The following IFNAR1 variants were observed in gnomAD, a reference collection of about 807,000 sequenced individuals.
The protein encoded by IFNAR1 is interferon alpha and beta receptor subunit 1.
In IFNAR1, 47 loss-of-function variants were observed where a neutral mutation model predicts 62.1. The observed-to-expected ratio is 0.76, with a 90% CI of 0.60 to 0.97. The LOEUF (loss-of-function observed/expected upper bound fraction) is 0.97. IFNAR1 is among the 50% of genes least tolerant of loss of function. The pLI, the probability that IFNAR1 is intolerant of heterozygous loss-of-function variation, is 0.00. For synonymous variants in IFNAR1, 219 were observed against 226.9 expected (o/e 0.97, Z 0.31); for missense variants, 638 against 654.5 (o/e 0.97, Z 0.27).
chr21:33,349,247 A>T lies in IFNAR1; in HGVS notation c.945A>T (p.Thr315=), dbSNP rs757605689. 8.1e-6 allele frequency: 13 copies of T among 1,612,954 alleles called. No individual in the cohort carries two copies. The highest frequency in any genetic ancestry group is 1.1e-5 in the South Asian group (1 of 90,870). The change falls in exon 7 of 11, where the codon ACA becomes ACT. Residue 315 remains threonine, a synonymous_variant. Coordinates refer to ENST00000270139, the MANE Select transcript of IFNAR1 (RefSeq NM_000629.3). ...TACAAGCATCTGATGGAAATAACAC[A>T]TCTTTTTGGTCTGAAGAGATAAAGT... ...LRVQASDGNN[T]SFWSEEIKFD...
chr21:33,341,142 A>G lies in IFNAR1; in HGVS notation c.344A>G (p.Tyr115Cys), dbSNP rs745609676. 2.5e-6 allele frequency: 4 copies of G among 1,612,964 alleles called. No individual in the cohort carries two copies. The South Asian group carries it at 3.3e-5, about 13-fold the overall frequency. ...GAAAAAGAAAACACTTCTTCATGGT[A>G]TGAGGTTGACTCATTTACACCATTT... ...RAEKENTSSW[Y>C]EVDSFTPFRK... The change falls in exon 3 of 11, where the codon TAT (tyrosine) becomes TGT (cysteine). Residue 115 changes from tyrosine (Y) to cysteine (C), a missense_variant. By Grantham distance (194) the Tyr-to-Cys change is radical. Transcript: ENST00000270139.
intron 10 of IFNAR1, among the ~76,000 whole-genome samples, chr21:33,355,095 A>G (rs1476009898): frequency 6.6e-6 from 1 of 152,062 alleles, no homozygotes; most frequent in Non-Finnish European, 1.5e-5. Flanking sequence ...GTACTCTTCA[A>G]AGACTCACCA....
In IFNAR1 at chr21:33,355,991, G is replaced by A. The variant is rs2083443636; in HGVS notation, c.*442G>A. On this transcript the variant is annotated 3_prime_UTR_variant, in exon 11 of 11. Coordinates refer to ENST00000270139, the MANE Select transcript of IFNAR1 (RefSeq NM_000629.3). ...AGATCACGCCACTGCACTCCAGCCT[G>A]GTGACAGCGTGAGACTCTTTAAAAA... 1 of 152,518 alleles carries A rather than the reference G, an allele frequency of 6.6e-6. No homozygotes were observed. Among genetic ancestry groups the A allele is most frequent in the Non-Finnish European group, 1.5e-5 (1 of 68,300 alleles). 9.4% of individuals were successfully genotyped at this position (152,518 alleles called of 1,614,324 possible).
chr21:33,347,020 G>T (rs2083355227), intron 6 of IFNAR1, among the ~76,000 whole-genome samples: 1 of 152,088 alleles, frequency 6.6e-6, no homozygotes, highest in Non-Finnish European at 1.5e-5. Context: ...ATTCATACAA[G>T]ACTTGGGGGC....
At position 33,338,803 on chromosome 21, in the gene IFNAR1, C is replaced by T. The variant is rs985040343; in HGVS notation, c.201-2196C>T. On this transcript the variant is annotated intron_variant, in intron 2 of 10. Coordinates refer to ENST00000270139, the MANE Select transcript of IFNAR1 (RefSeq NM_000629.3). ...TGTTGCCCAGGCTGGAGTGCAATGG[C>T]GCAATCTCGGCTCACCGCAACCTCC... 1.2e-4 allele frequency among the ~76,000 whole-genome samples: 18 copies of T among 150,484 alleles called. No individual in the cohort carries two copies. In the East Asian group the frequency reaches 1.4e-3, roughly 12 times the overall value.
rs779653168 is a variant in IFNAR1 at position 33,353,623 on chromosome 21, CGT to C, written c.1295-14_1295-13del. Reference sequence around the variant, plus strand: ...ATGTCAAAATATATGCTAAATATCACGTATATCTTTTTAGGAAATACCTCTAA... The same window carrying C: ...ATGTCAAAATATATGCTAAATATCACATATCTTTTTAGGAAATACCTCTAA... On this transcript the variant is annotated splice_polypyrimidine_tract_variant and intron_variant, in intron 9 of 10. Coordinates refer to ENST00000270139, the MANE Select transcript of IFNAR1 (RefSeq NM_000629.3). 2.8e-6 allele frequency: 4 copies of C among 1,453,930 alleles called. No individual in the cohort carries two copies. In the African/African-American group the frequency reaches 4.3e-5, roughly 16 times the overall value. 90.1% of individuals were successfully genotyped at this position (1,453,930 alleles called of 1,614,324 possible).
chr21:33,326,198 C>T (rs1480881223), intron 1 of IFNAR1, among the ~76,000 whole-genome samples: 1 of 144,740 alleles, frequency 6.9e-6, no homozygotes, highest in Non-Finnish European at 1.5e-5. Context: ...TATGGGAAGA[C>T]ATTTTTATTT....
intron 3 of IFNAR1, among the ~76,000 whole-genome samples, chr21:33,342,865 A>T (rs117221107): frequency 0.047 from 6,880 of 147,848 alleles, 195 homozygotes; most frequent in Middle Eastern, 0.079. Context: ...TCAAAAAAAA[A>T]AAATAAATAA....
In IFNAR1 at chr21:33,357,548, G is replaced by C. The variant is rs532673789; in HGVS notation, c.*1999G>C. 1.4e-5 allele frequency: 2 copies of C among 138,774 alleles called. No individual in the cohort carries two copies. Among genetic ancestry groups the C allele is most frequent in the Admixed American group, 1.4e-4 (2 of 14,496 alleles). The allele number at this position is 138,774 out of a possible 1,614,324, so 8.6% of individuals were successfully genotyped here. A position where few individuals can be genotyped will look rare whatever the true frequency, so the allele number is the denominator to read the frequency against. ...AGAGGCTGTTTTTTTTTTTTTTTGAGACAGTCTCATTCTGTTGCCCAGGCT... is the reference window on the plus strand; with the variant it reads ...AGAGGCTGTTTTTTTTTTTTTTTGACACAGTCTCATTCTGTTGCCCAGGCT... On this transcript the variant is annotated 3_prime_UTR_variant, in exon 11 of 11. Coordinates refer to ENST00000270139, the MANE Select transcript of IFNAR1 (RefSeq NM_000629.3).
At chr21:33,334,633 A>C (rs956686821) in intron 1 of IFNAR1, 7 of 666,290 alleles carry the variant, frequency 1.1e-5, no homozygotes, top group Non-Finnish European at 2.0e-5. Context: ...GTGCAGATTC[A>C]GGCAGGTGCA....
In IFNAR1 at chr21:33,353,784, G is replaced by A. The variant is rs1396885228; in HGVS notation, c.1440+1G>A. On this transcript the variant is annotated splice_donor_variant, in intron 10 of 10. Coordinates refer to ENST00000270139, the MANE Select transcript of IFNAR1 (RefSeq NM_000629.3). LOFTEE classifies it high-confidence loss of function. Reference sequence around the variant, plus strand: ...TAAACCTTCTTCCAGTATAGATGAGGTATGTTACTTTTTTTATTTTTTTGT... The same window carrying A: ...TAAACCTTCTTCCAGTATAGATGAGATATGTTACTTTTTTTATTTTTTTGT... 2 of 1,549,604 alleles carry A rather than the reference G, an allele frequency of 1.3e-6. No individual in the cohort carries two copies. Among genetic ancestry groups the A allele is most frequent in the South Asian group, 1.2e-5 (1 of 81,160 alleles).
chr21:33,331,234 A>G (rs1181351199), intron 1 of IFNAR1, among the ~76,000 whole-genome samples: 3 of 152,170 alleles, frequency 2.0e-5, no homozygotes, highest in Non-Finnish European at 4.4e-5. Flanking sequence ...CTGGGAACAC[A>G]CTACCTTGGC....
rs200969222 is a variant in IFNAR1, at chr21:33,353,799, T to A, written c.1440+16T>A. 201 of 1,521,778 alleles carry A rather than the reference T, an allele frequency of 1.3e-4. No individual in the cohort carries two copies. Among genetic ancestry groups the A allele is most frequent in the Non-Finnish European group, 1.7e-4 (192 of 1,127,710 alleles). 94.3% of individuals were successfully genotyped at this position (1,521,778 alleles called of 1,614,324 possible). A position where few individuals can be genotyped will look rare whatever the true frequency, so the allele number is the denominator to read the frequency against. On this transcript the variant is annotated intron_variant, in intron 10 of 10. Coordinates refer to ENST00000270139, the MANE Select transcript of IFNAR1 (RefSeq NM_000629.3). Reference sequence around the variant, plus strand: ...TATAGATGAGGTATGTTACTTTTTTTATTTTTTTGTCAACAGCTAGGTAAT... The same window carrying A: ...TATAGATGAGGTATGTTACTTTTTTAATTTTTTTGTCAACAGCTAGGTAAT...
In IFNAR1 at chr21:33,349,255, G is replaced by A. The variant is rs1345469860; in HGVS notation, c.953G>A (p.Trp318Ter). The A allele has an allele frequency of 6.2e-7, 1 of 1,610,648 alleles. No homozygotes were observed. The highest frequency in any genetic ancestry group is 1.7e-5 in the Admixed American group (1 of 59,768). ...TCTGATGGAAATAACACATCTTTTT[G>A]GTCTGAAGAGATAAAGTTTGATACT... The part of the protein sequence containing the change: ...QASDGNNTSF[W>*]SEEIKFDTEI... The change falls in exon 7 of 11, where the codon TGG becomes TAG. Residue 318 changes from tryptophan (W) to a stop codon, truncating the protein, a stop_gained. Coordinates refer to ENST00000270139, the MANE Select transcript of IFNAR1 (RefSeq NM_000629.3). LOFTEE classifies it high-confidence loss of function.
chr21:33,343,272 G>A lies in IFNAR1; in HGVS notation c.381G>A (p.Gln127=), dbSNP rs111291706. ...ATTGTTTTGATTTTTTTGCAGCTCA[G>A]ATTGGTCCTCCAGAAGTACATTTAG... is the stretch of plus-strand genomic sequence containing the variant. ...VDSFTPFRKA[Q]IGPPEVHLEA... The change falls in exon 4 of 11, where the codon CAG becomes CAA. Residue 127 remains glutamine, a synonymous_variant. Coordinates refer to ENST00000270139, the MANE Select transcript of IFNAR1 (RefSeq NM_000629.3). The A allele has an allele frequency of 1.2e-6, 2 of 1,610,430 alleles. No individual in the cohort carries two copies. The highest frequency in any genetic ancestry group is 8.5e-7 in the Non-Finnish European group (1 of 1,178,758).
Position 33,357,663 on chromosome 21 carries a change from A to G in IFNAR1, c.*2114A>G, listed in dbSNP as rs906269128. ...CGCAGCCTCCAGAGTAGCTGGGATA[A>G]CAGGTGCCCACCACCACACCCCACT... On this transcript the variant is annotated 3_prime_UTR_variant, in exon 11 of 11. Coordinates refer to ENST00000270139, the MANE Select transcript of IFNAR1 (RefSeq NM_000629.3). 2.0e-5 allele frequency: 3 copies of G among 152,050 alleles called. No individual in the cohort carries two copies. Among genetic ancestry groups the G allele is most frequent in the Non-Finnish European group, 4.4e-5 (3 of 68,072 alleles). The allele number at this position is 152,050 out of a possible 1,614,324, so 9.4% of individuals were successfully genotyped here. A position where few individuals can be genotyped will look rare whatever the true frequency, so the allele number is the denominator to read the frequency against.
Position 33,356,498 on chromosome 21 carries a change from C to T in IFNAR1, c.*949C>T, listed in dbSNP as rs1466041822. The T allele has an allele frequency of 6.6e-6, 1 of 152,204 alleles. No individual in the cohort carries two copies. Among genetic ancestry groups the T allele is most frequent in the Non-Finnish European group, 1.5e-5 (1 of 68,034 alleles). 9.4% of individuals were successfully genotyped at this position (152,204 alleles called of 1,614,324 possible). ...CCCGAGAACATTGGCTTCCACATCACAGTATCTACCCTTACATGGTTTAGG... is the reference window on the plus strand; with the variant it reads ...CCCGAGAACATTGGCTTCCACATCATAGTATCTACCCTTACATGGTTTAGG... On this transcript the variant is annotated 3_prime_UTR_variant, in exon 11 of 11. Transcript: ENST00000270139.
At chr21:33,355,090 C>CTTTG (rs1377423399) in intron 10 of IFNAR1, among the ~76,000 whole-genome samples, 1 of 152,026 alleles carries the variant, frequency 6.6e-6, no homozygotes, top group East Asian at 1.9e-4. Context: ...CTTAGGTACT[C>CTTTG]TTCAAAGACT....
chr21:33,337,752 A>C (rs2083255664), intron 2 of IFNAR1, among the ~76,000 whole-genome samples: 1 of 152,114 alleles, frequency 6.6e-6, no homozygotes, highest in Non-Finnish European at 1.5e-5. Flanking sequence ...ACATACATAT[A>C]CACACTATAT....
Sources: gnomAD v4.1 joint callset for allele counts (sites outside exome capture counted in the v4.1 genomes callset) on GRCh38, gnomAD v4.1.1 for gene constraint, MANE v1.5 for transcripts, NCBI Gene and HGNC (gene_info 2026-07-23, HGNC 2026-07-21) for gene names.